CHSY3: variants seen among roughly 807,000 people sequenced by gnomAD.
CHSY3 encodes chondroitin sulfate synthase 3.
In CHSY3, 35 loss-of-function variants were observed where a neutral mutation model predicts 67.2. That is an observed-to-expected ratio of 0.52 (90% confidence interval 0.40 to 0.69). The LOEUF is 0.69. CHSY3 is among the 30% of genes least tolerant of loss of function. CHSY3 has a pLI of 0.00. For synonymous variants in CHSY3, 474 were observed against 434.7 expected, an observed-to-expected ratio of 1.09 and a Z score of -1.12; for missense variants, 1,069 against 1,138.5, an observed-to-expected ratio of 0.94 and a Z score of 0.88.
Position 130,000,732 on chromosome 5 carries a change from C to CTTTTTTTTTTTTT in CHSY3, c.1086+92386_1086+92398dup, listed in dbSNP as rs71000946. Among the ~76,000 whole-genome samples the CTTTTTTTTTTTTT allele has an allele frequency of 1.4e-4, 11 of 76,470 alleles. 1 individual carries two copies. The highest frequency in any genetic ancestry group is 6.4e-4 in the Admixed American group (3 of 4,692). 50.2% of individuals were successfully genotyped at this position (76,470 alleles called of 152,430 possible). On this transcript the variant is annotated intron_variant, in intron 2 of 2. Coordinates refer to ENST00000305031, the MANE Select transcript of CHSY3 (RefSeq NM_175856.5). ...GGACTACAAATGTGTAACTTTTCTT[C>CTTTTTTTTTTTTT]TTTTTTTTTTTTTTTTTTTTTTTTT...
intron 2 of CHSY3, among the ~76,000 whole-genome samples, chr5:130,046,594 T>C (rs1017050959): frequency 1.3e-5 from 2 of 152,090 alleles, no homozygotes; most frequent in Non-Finnish European, 2.9e-5. Flanking sequence ...CTGACTTGAA[T>C]GAGCTGACGA....
At chr5:130,016,642 TC>T (rs748083791) in intron 2 of CHSY3, among the ~76,000 whole-genome samples, 48 of 152,206 alleles carry the variant, frequency 3.2e-4, no homozygotes, top group Non-Finnish European at 5.9e-4. Context: ...ACTCCTGACC[TC>T]AGGTGATCTG....
chr5:130,003,165 G>A (rs180972894), intron 2 of CHSY3, among the ~76,000 whole-genome samples: 2 of 152,202 alleles, frequency 1.3e-5, no homozygotes, highest in East Asian at 3.9e-4. Flanking sequence ...GGACTCGGCT[G>A]GAATATCCAT....
intron 2 of CHSY3, among the ~76,000 whole-genome samples, chr5:130,108,070 A>G (rs1440362946): frequency 6.6e-6 from 1 of 151,612 alleles, no homozygotes; most frequent in African/African-American, 2.4e-5. Flanking sequence ...GCACTTTCAT[A>G]TATATTTTTA....
chr5:130,118,491 G>A (rs1020472480), intron 2 of CHSY3, among the ~76,000 whole-genome samples: 1 of 129,282 alleles, frequency 7.7e-6, no homozygotes, highest in East Asian at 2.0e-4. Flanking sequence ...ATGTATATAT[G>A]TGTGTGTGTG....
chr5:129,975,186 C>A (rs766581655), intron 2 of CHSY3, among the ~76,000 whole-genome samples: 5 of 152,012 alleles, frequency 3.3e-5, no homozygotes, highest in African/African-American at 4.8e-5. Context: ...CGTAACAAAA[C>A]TGCACATTGT....
intron 2 of CHSY3, among the ~76,000 whole-genome samples, chr5:130,153,741 G>C (rs1373581016): frequency 6.6e-6 from 1 of 152,104 alleles, no homozygotes; most frequent in Non-Finnish European, 1.5e-5. Flanking sequence ...CTAGAGTTTA[G>C]AGTTTGCAAA....
chr5:130,003,208 T>G (rs1763782785), intron 2 of CHSY3, among the ~76,000 whole-genome samples: 1 of 152,166 alleles, frequency 6.6e-6, no homozygotes, highest in African/African-American at 2.4e-5. Flanking sequence ...CATAATGTGG[T>G]AGGAAGCATT....
chr5:130,049,029 T>G lies in CHSY3; in HGVS notation c.1087-135200T>G, dbSNP rs1175783851. Among the ~76,000 whole-genome samples, 8 of 152,132 alleles carry G rather than the reference T, an allele frequency of 5.3e-5. No individual in the cohort carries two copies. In the East Asian group the frequency reaches 1.5e-3, roughly 29 times the overall value. ...CACGCACACACACACAGAATTCTGA[T>G]GGTGAGTAAAACCTACTTTTCAATC... On this transcript the variant is annotated intron_variant, in intron 2 of 2. Transcript: ENST00000305031.
At position 129,912,881 on chromosome 5, in the gene CHSY3, C is replaced by A. The variant is rs78783235; in HGVS notation, c.1086+4521C>A. ...AGGATTGAGGCATCTTGTTTTAAGG[C>A]CATATGGCAGATGTTAATAACCAAC... is the stretch of plus-strand genomic sequence containing the variant. On this transcript the variant is annotated intron_variant, in intron 2 of 2. Coordinates refer to ENST00000305031, the MANE Select transcript of CHSY3 (RefSeq NM_175856.5). Among the ~76,000 whole-genome samples, 56 of 152,252 alleles carry A rather than the reference C, an allele frequency of 3.7e-4. No homozygotes were observed. In the East Asian group the frequency reaches 5.8e-3, roughly 16 times the overall value.
chr5:130,048,906 T>C (rs1056295131), intron 2 of CHSY3, among the ~76,000 whole-genome samples: 10 of 151,994 alleles, frequency 6.6e-5, no homozygotes, highest in African/African-American at 2.2e-4. Flanking sequence ...TTTTTTGTGA[T>C]GCACAACATA....
chr5:130,003,830 T>A (rs1160236618), intron 2 of CHSY3, among the ~76,000 whole-genome samples: 1 of 152,216 alleles, frequency 6.6e-6, no homozygotes, highest in Admixed American at 6.5e-5. Context: ...CAATGGTTAA[T>A]TTGATGTACA....
At chr5:130,150,909 A>C (rs796856969) in intron 2 of CHSY3, among the ~76,000 whole-genome samples, 5 of 152,298 alleles carry the variant, frequency 3.3e-5, no homozygotes, top group African/African-American at 1.2e-4. Flanking sequence ...TAGAGAAATA[A>C]TACAGTATTT....
intron 2 of CHSY3, among the ~76,000 whole-genome samples, chr5:130,087,600 G>C (rs970603165): frequency 2.0e-5 from 3 of 151,666 alleles, no homozygotes; most frequent in Non-Finnish European, 4.4e-5. Flanking sequence ...CAAATCATGA[G>C]TGAACTCCCA....
Position 130,151,033 on chromosome 5 carries a change from T to C in CHSY3, c.1087-33196T>C, listed in dbSNP as rs369629703. On this transcript the variant is annotated intron_variant, in intron 2 of 2. Transcript: ENST00000305031. ...GCATGACAACTAATGCAGGAACATT[T>C]TGTAAGCTCATAGTGTCTGAAAAAG... is the stretch of plus-strand genomic sequence containing the variant. 8.5e-5 allele frequency among the ~76,000 whole-genome samples: 13 copies of C among 152,304 alleles called. No individual in the cohort carries two copies. The East Asian group carries it at 2.3e-3, about 27-fold the overall frequency.
chr5:130,165,508 G>C (rs946785649), intron 2 of CHSY3, among the ~76,000 whole-genome samples: 2 of 151,772 alleles, frequency 1.3e-5, no homozygotes, highest in African/African-American at 4.8e-5. Flanking sequence ...ATCCATTATC[G>C]TGTCCTTTAT....
intron 2 of CHSY3, among the ~76,000 whole-genome samples, chr5:130,166,322 A>G (rs1769745831): frequency 6.6e-6 from 1 of 152,150 alleles, no homozygotes; most frequent in African/African-American, 2.4e-5. Flanking sequence ...TACCAAAGCT[A>G]TTATGGTGAC....
At chr5:130,070,975 T>A (rs1247732282) in intron 2 of CHSY3, among the ~76,000 whole-genome samples, 2 of 152,076 alleles carry the variant, frequency 1.3e-5, no homozygotes, top group Non-Finnish European at 1.5e-5. Context: ...GATAAAACTA[T>A]ATAGGTTCCT....
intron 2 of CHSY3, among the ~76,000 whole-genome samples, chr5:130,015,398 A>G (rs937662041): frequency 3.9e-5 from 6 of 152,178 alleles, no homozygotes; most frequent in Non-Finnish European, 7.3e-5. Flanking sequence ...AACAAGCTAA[A>G]AAAAACCTCA....
Sources: gnomAD v4.1 joint callset for allele counts (sites outside exome capture counted in the v4.1 genomes callset) on GRCh38, gnomAD v4.1.1 for gene constraint, MANE v1.5 for transcripts, NCBI Gene and HGNC (gene_info 2026-07-23, HGNC 2026-07-21) for gene names.